AP2A2: variants seen among roughly 807,000 people sequenced by gnomAD.
AP2A2 encodes the protein AP-2 complex subunit alpha-2.
Under a neutral mutation model 104.2 loss-of-function variants are expected in AP2A2, and 32 were observed. The ratio of observed to expected loss-of-function variants is 0.31; its 90% CI spans 0.23 to 0.41. The LOEUF (loss-of-function observed/expected upper bound fraction) is 0.41, where lower values mean the gene tolerates loss of function less well. Ranked by LOEUF, AP2A2 falls within the 10% of genes least tolerant of loss-of-function variation. The probability of loss-of-function intolerance (pLI) is 1.00; values close to 1 mark genes in which losing one functional copy is unlikely to be tolerated. For missense variants in AP2A2, 912 were observed against 1,261.0 expected (o/e 0.72, Z 4.19); for synonymous variants, 539 against 533.3 (o/e 1.01, Z -0.15).
intron 2 of AP2A2, 98 bp from the exon 3 acceptor site, chr11:970,071 T>G (rs1387454492): frequency 7.3e-6 from 10 of 1,371,834 alleles, no homozygotes; most frequent in Non-Finnish European, 1.0e-5. Flanking sequence ...TGGAGGCTTG[T>G]CCGTGCTGCC....
intron 15 of AP2A2, among the ~76,000 whole-genome samples, chr11:1,003,435 C>T (rs960143254): frequency 2.6e-5 from 4 of 152,204 alleles, no homozygotes; most frequent in Admixed American, 6.5e-5. Context: ...CTTCTGGGGC[C>T]GTGAGAGGCC....
At chr11:953,017 G>T (rs1192233949) in intron 1 of AP2A2, among the ~76,000 whole-genome samples, 1 of 152,186 alleles carries the variant, frequency 6.6e-6, no homozygotes, top group East Asian at 1.9e-4. Flanking sequence ...ACCTGCGTCC[G>T]TCATGACTGC....
chr11:986,971 G>A lies in AP2A2; in HGVS notation c.1131+18G>A, dbSNP rs1339128169. 6.4e-7 allele frequency: 1 copy of A among 1,561,500 alleles called. No homozygotes were observed. The stretch of plus-strand genomic sequence containing the variant: ...CCCTGAAGGCGAGTGCCCTGTCCTT[G>A]GGTTCTGCTCACTCCCTGAGCAGGT... On this transcript the variant is annotated intron_variant, in intron 9 of 21. Coordinates refer to ENST00000448903, the MANE Select transcript of AP2A2 (RefSeq NM_012305.4).
rs554879840 is a variant in AP2A2, at chr11:926,101, G to A, written c.67+13G>A. 74 of 1,303,446 alleles carry A rather than the reference G, an allele frequency of 5.7e-5. No individual in the cohort carries two copies. The highest frequency in any genetic ancestry group is 7.1e-5 in the Non-Finnish European group (72 of 1,015,046). The allele number at this position is 1,303,446 out of a possible 1,614,324, so 80.7% of individuals were successfully genotyped here. A position where few individuals can be genotyped will look rare whatever the true frequency, so the allele number is the denominator to read the frequency against. ...GATATCCGCAACTGTGAGTGGCGGG[G>A]GCGGCGTGGGGCCGGGGCCGGGGCC... On this transcript the variant is annotated intron_variant, in intron 1 of 21. Coordinates refer to ENST00000448903, the MANE Select transcript of AP2A2 (RefSeq NM_012305.4).
chr11:997,861 C>T (rs1451557784), intron 14 of AP2A2, among the ~76,000 whole-genome samples: 1 of 152,188 alleles, frequency 6.6e-6, no homozygotes, highest in Non-Finnish European at 1.5e-5. Flanking sequence ...GCTGAGATTG[C>T]ACCACTGCAC....
chr11:977,310 G>T, intron 5 of AP2A2, 86 bp downstream of exon 5: 4 of 1,486,340 alleles, frequency 2.7e-6, no homozygotes, highest in East Asian at 2.4e-5. Context: ...GCGCCTTCTC[G>T]GGATGCCCAG....
intron 1 of AP2A2, among the ~76,000 whole-genome samples, chr11:954,674 A>G (rs923395449): frequency 2.0e-5 from 3 of 151,774 alleles, no homozygotes; most frequent in African/African-American, 7.3e-5. Context: ...TTGTGTTTGT[A>G]TAAATGTGTA....
chr11:954,548 ATG>A (rs1391410625), intron 1 of AP2A2, among the ~76,000 whole-genome samples: 2 of 151,394 alleles, frequency 1.3e-5, no homozygotes, highest in South Asian at 4.2e-4. Context: ...ATTTGTATTT[ATG>A]TGTGTTTGTA....
chr11:1,008,858 G>A (rs1856301332), intron 18 of AP2A2: 2 of 559,196 alleles, frequency 3.6e-6, no homozygotes, highest in African/African-American at 3.7e-5. Context: ...ACAGATGAAT[G>A]GGGAGAAGTG....
At position 992,761 on chromosome 11, in the gene AP2A2, G is replaced by A; in HGVS notation, c.1452+76G>A. On this transcript the variant is annotated intron_variant, in intron 11 of 21. Transcript: ENST00000448903. This position sits in a 1 kb window ranked among gnomAD's most constrained non-coding sequence, Gnocchi z 6.4. The stretch of plus-strand genomic sequence containing the variant: ...GGTGAGCAGTGAGTGGTTCCAGCCT[G>A]CCTGCGTGGAGGTGCCGAGGGCCGT... The A allele has an allele frequency of 1.3e-6, 2 of 1,553,660 alleles. No individual in the cohort carries two copies. The highest frequency in any genetic ancestry group is 3.5e-5 in the Admixed American group (2 of 57,754).
Position 935,750 on chromosome 11 carries a change from G to A in AP2A2, c.67+9662G>A, listed in dbSNP as rs549928431. On this transcript the variant is annotated intron_variant, in intron 1 of 21. Transcript: ENST00000448903. ...GCGTCCTGAGTAGCTGGGATTGCAG[G>A]CACCTGGCTAATTTTTTGTATTTTT... Among the ~76,000 whole-genome samples the A allele has an allele frequency of 4.0e-3, 600 of 150,176 alleles. 1 individual carries two copies. The highest frequency in any genetic ancestry group is 5.9e-3 in the Non-Finnish European group (398 of 67,662).
At chr11:987,056 TGGA>T in intron 9 of AP2A2, 103 bp downstream of exon 9, 2 of 1,345,910 alleles carry the variant, frequency 1.5e-6, no homozygotes, top group Non-Finnish European at 2.0e-6. Context: ...CCCGCAGAGA[TGGA>T]GGTGGTGCTG....
At chr11:929,686 C>G (rs545074190) in intron 1 of AP2A2, among the ~76,000 whole-genome samples, 1 of 152,210 alleles carries the variant, frequency 6.6e-6, no homozygotes, top group East Asian at 1.9e-4. Flanking sequence ...GTCCCAGTTA[C>G]TCAGTGGGCT....
chr11:993,687 C>T lies in AP2A2; in HGVS notation c.1551-67C>T, dbSNP rs536303526. The T allele has an allele frequency of 3.5e-3, 4,486 of 1,288,722 alleles. 16 individuals carry two copies. The highest frequency in any genetic ancestry group is 3.7e-3 in the Non-Finnish European group (3,458 of 932,254). The allele number at this position is 1,288,722 out of a possible 1,614,324, so 79.8% of individuals were successfully genotyped here. A position where few individuals can be genotyped will look rare whatever the true frequency, so the allele number is the denominator to read the frequency against. On this transcript the variant is annotated intron_variant, in intron 12 of 21. Coordinates refer to ENST00000448903, the MANE Select transcript of AP2A2 (RefSeq NM_012305.4). The surrounding 1 kb of genome is among the most constrained non-coding windows in gnomAD (Gnocchi z 8.2). The stretch of plus-strand genomic sequence containing the variant: ...AGGGGGTCTCGCCGCCGTCCCCCCC[C>T]CGCGGGGGCGTGCTGCAGCCTGCGA...
intron 18 of AP2A2, 28 bp from the exon 19 acceptor site, chr11:1,009,072 C>A: frequency 6.4e-7 from 1 of 1,571,690 alleles, no homozygotes; most frequent in Non-Finnish European, 8.7e-7. Flanking sequence ...AGCTGACTGT[C>A]TCTTTCTGCT....
chr11:942,606 T>C (rs2134488803), intron 1 of AP2A2, among the ~76,000 whole-genome samples: 1 of 152,342 alleles, frequency 6.6e-6, no homozygotes, highest in South Asian at 2.1e-4. Flanking sequence ...ACTTGAATTT[T>C]CCAGAGAGAT....
intron 10 of AP2A2, among the ~76,000 whole-genome samples, chr11:991,050 C>T (rs971409305): frequency 3.9e-5 from 6 of 151,916 alleles, no homozygotes; most frequent in Admixed American, 3.3e-4. Flanking sequence ...ATGCTCCCCC[C>T]ACCCCGTCCT....
At chr11:969,211 A>G (rs894829065) in intron 2 of AP2A2, among the ~76,000 whole-genome samples, 1 of 141,238 alleles carries the variant, frequency 7.1e-6, no homozygotes, top group African/African-American at 2.6e-5. Context: ...CTGGCAATGT[A>G]GAACAGCCCT....
chr11:969,311 A>G (rs1355300979), intron 2 of AP2A2, among the ~76,000 whole-genome samples: 5 of 137,102 alleles, frequency 3.6e-5, no homozygotes, highest in African/African-American at 1.1e-4. Flanking sequence ...GCTCACCGCA[A>G]CCTCCGCCTC....
Sources: gnomAD v4.1 joint callset for allele counts (sites outside exome capture counted in the v4.1 genomes callset) on GRCh38, gnomAD v4.1.1 for gene constraint, Gnocchi (gnomAD v3.1) non-coding constraint, MANE v1.5 for transcripts, NCBI Gene and HGNC (gene_info 2026-07-23, HGNC 2026-07-21) for gene names.